Variants in ADAM22 observed in about 807,000 individuals in gnomAD.
ADAM22 encodes disintegrin and metalloproteinase domain-containing protein 22.
Under a neutral mutation model 144.6 loss-of-function variants are expected in ADAM22, and 65 were observed. The observed-to-expected ratio is 0.45, with a 90% CI of 0.37 to 0.55. The LOEUF (loss-of-function observed/expected upper bound fraction) is 0.55, where lower values mean the gene tolerates loss of function less well. Among genes scored for constraint, ADAM22 ranks in the 20% least tolerant of loss-of-function variants. The pLI, the probability that ADAM22 is intolerant of heterozygous loss-of-function variation, is 0.00. For missense variants in ADAM22, 974 were observed against 1,184.9 expected, an observed-to-expected ratio of 0.82 and a Z score of 2.61; for synonymous variants, 391 against 412.6, an observed-to-expected ratio of 0.95 and a Z score of 0.63.
At chr7:87,963,340 G>T (rs1424104363) in intron 2 of ADAM22, among the ~76,000 whole-genome samples, 1 of 152,176 alleles carries the variant, frequency 6.6e-6, no homozygotes, top group Non-Finnish European at 1.5e-5. Context: ...CCAGTTTTCA[G>T]AAGTGAATAA....
intron 2 of ADAM22, among the ~76,000 whole-genome samples, chr7:87,974,614 G>A (rs1413124490): frequency 6.6e-6 from 1 of 152,196 alleles, no homozygotes; most frequent in African/African-American, 2.4e-5. Flanking sequence ...ACTCATTGGA[G>A]CTGCTTTTCA....
chr7:88,088,183 T>G (rs549288493), intron 4 of ADAM22, among the ~76,000 whole-genome samples: 1 of 152,284 alleles, frequency 6.6e-6, no homozygotes, highest in Non-Finnish European at 1.5e-5. Context: ...TTAGGAAAAC[T>G]GAAAATGGCC....
rs755171843 is a variant in ADAM22, at chr7:88,182,009, G to A, written c.2648G>A (p.Arg883Gln). Residue 883 changes from arginine to glutamine, a missense_variant, in exon 29 of 32, where the codon CGG becomes CAG. Arg to Gln is a conservative substitution (Grantham distance 43). Around this residue, in one of 2 missense-constraint regions of ADAM22, gnomAD observed 734 missense variants for 950.6 expected, o/e 0.77. Coordinates refer to ENST00000413139, the MANE Select transcript of ADAM22 (RefSeq NM_001324418.2). ...KKIRGKRFRP[R>Q]SNSTEYLNPW... Reference sequence around the variant, plus strand: ...ATCAGAGGCAAAAGATTTAGACCTCGGTCTAATTCAACTGAGTAAGTCTGA... The same window carrying A: ...ATCAGAGGCAAAAGATTTAGACCTCAGTCTAATTCAACTGAGTAAGTCTGA... The A allele has an allele frequency of 1.2e-5, 19 of 1,613,446 alleles. No homozygotes were observed. Among genetic ancestry groups the A allele is most frequent in the Admixed American group, 6.7e-5 (4 of 59,968 alleles).
At chr7:88,061,952 C>T (rs1179049456) in intron 3 of ADAM22, among the ~76,000 whole-genome samples, 1 of 150,838 alleles carries the variant, frequency 6.6e-6, no homozygotes, top group Non-Finnish European at 1.5e-5. Context: ...AAGTAATCAA[C>T]CTGCCTAGCC....
chr7:88,168,332 C>A (rs757004634), intron 25 of ADAM22, 105 bp downstream of exon 25: 2 of 1,130,934 alleles, frequency 1.8e-6, no homozygotes, highest in South Asian at 1.3e-5. Flanking sequence ...AATATACTTG[C>A]AATGAAAATC....
intron 24 of ADAM22, among the ~76,000 whole-genome samples, chr7:88,166,175 T>A (rs745435490): frequency 1.2e-4 from 18 of 152,170 alleles, no homozygotes; most frequent in Non-Finnish European, 2.1e-4. Flanking sequence ...CTTGTCCTAC[T>A]TCATTCTGAG....
At chr7:88,021,275 G>A (rs1797768515) in intron 3 of ADAM22, among the ~76,000 whole-genome samples, 2 of 152,192 alleles carry the variant, frequency 1.3e-5, no homozygotes, top group Admixed American at 6.5e-5. Context: ...CTCTGCAAAA[G>A]CAACCATTTC....
At chr7:88,048,009 C>T (rs544907251) in intron 3 of ADAM22, among the ~76,000 whole-genome samples, 1 of 152,218 alleles carries the variant, frequency 6.6e-6, no homozygotes, top group East Asian at 1.9e-4. Context: ...TTGAACTTCT[C>T]TGCCACTGGA....
chr7:88,032,363 C>T (rs1242910852), intron 3 of ADAM22, among the ~76,000 whole-genome samples: 2 of 152,210 alleles, frequency 1.3e-5, no homozygotes, highest in African/African-American at 2.4e-5. Flanking sequence ...GATTGCCCTG[C>T]TGGGTTTTGG....
At chr7:88,127,379 A>C (rs1830662696) in intron 8 of ADAM22, among the ~76,000 whole-genome samples, 1 of 151,966 alleles carries the variant, frequency 6.6e-6, no homozygotes, top group Non-Finnish European at 1.5e-5. Flanking sequence ...ACTCTTTGAC[A>C]TTAACAAAAT....
chr7:88,156,080 T>C, intron 22 of ADAM22, 74 bp downstream of exon 22: 1 of 1,542,162 alleles, frequency 6.5e-7, no homozygotes, highest in East Asian at 2.3e-5. Flanking sequence ...TTCCTTCCGT[T>C]TTCAATTAAT....
intron 29 of ADAM22, 103 bp downstream of exon 29, chr7:88,182,127 G>C (rs796434619): frequency 1.9e-6 from 2 of 1,058,150 alleles, no homozygotes; most frequent in Admixed American, 2.6e-5. Context: ...CCATGTCTCC[G>C]GTCTTGGTTT....
chr7:88,120,001 A>G (rs73202400), intron 7 of ADAM22, among the ~76,000 whole-genome samples: 2,473 of 152,242 alleles, frequency 0.016, 40 homozygotes, highest in Non-Finnish European at 0.027. Context: ...AAACCTTAGC[A>G]TGCATCAGAA....
intron 6 of ADAM22, among the ~76,000 whole-genome samples, chr7:88,115,789 A>G (rs953959828): frequency 2.0e-5 from 3 of 152,096 alleles, no homozygotes; most frequent in East Asian, 1.9e-4. Flanking sequence ...TCTATTGTCT[A>G]TTGCTTTTAA....
intron 3 of ADAM22, among the ~76,000 whole-genome samples, chr7:88,051,641 G>A (rs911903826): frequency 2.0e-5 from 3 of 151,896 alleles, no homozygotes; most frequent in Middle Eastern, 3.4e-3. Context: ...CATGGCACAC[G>A]TATACATATG....
chr7:87,993,712 T>C (rs1790440383), intron 3 of ADAM22, among the ~76,000 whole-genome samples: 3 of 152,226 alleles, frequency 2.0e-5, no homozygotes, highest in Non-Finnish European at 4.4e-5. Flanking sequence ...GAAGATAAAT[T>C]GGCTGGTTCT....
In ADAM22 at chr7:87,960,460, G is replaced by A. The variant is rs188216300; in HGVS notation, c.247-17876G>A. ...CCATAAGGCCATTGGGTCACTCTTC[G>A]TCCTTATATTTCACTTGACAAGAAG... On this transcript the variant is annotated intron_variant, in intron 2 of 31. Transcript: ENST00000413139. 6.7e-4 allele frequency among the ~76,000 whole-genome samples: 102 copies of A among 151,758 alleles called. 1 individual carries two copies. Among genetic ancestry groups the A allele is most frequent in the African/African-American group, 2.2e-3 (92 of 41,414 alleles).
intron 3 of ADAM22, among the ~76,000 whole-genome samples, chr7:88,009,806 G>A (rs1160738972): frequency 6.6e-6 from 1 of 152,108 alleles, no homozygotes; most frequent in Non-Finnish European, 1.5e-5. Context: ...CATCCCTGTG[G>A]TAAGAGGTCT....
At chr7:87,957,488 A>G (rs1847053796) in intron 2 of ADAM22, among the ~76,000 whole-genome samples, 1 of 152,128 alleles carries the variant, frequency 6.6e-6, no homozygotes, top group African/African-American at 2.4e-5. Flanking sequence ...GATTCAGATG[A>G]TGCTCTCTTG....
Sources: gnomAD v4.1 joint callset for allele counts (sites outside exome capture counted in the v4.1 genomes callset) on GRCh38, gnomAD v4.1.1 for gene constraint, gnomAD v4.1.1 regional missense constraint, MANE v1.5 for transcripts, NCBI Gene and HGNC (gene_info 2026-07-23, HGNC 2026-07-21) for gene names.